The following MTMR10 variants were observed in gnomAD, a reference collection of about 807,000 sequenced individuals.
MTMR10 encodes the protein myotubularin-related protein 10.
A neutral mutation model predicts 88.1 loss-of-function variants in MTMR10; 56 were observed. The ratio of observed to expected loss-of-function variants is 0.64; its 90% CI spans 0.51 to 0.79. The LOEUF (loss-of-function observed/expected upper bound fraction) is 0.79, where lower values mean the gene tolerates loss of function less well. Ranked by LOEUF, MTMR10 falls within the 30% of genes least tolerant of loss-of-function variation. The pLI, the probability that MTMR10 is intolerant of heterozygous loss-of-function variation, is 0.00. For synonymous variants in MTMR10, 380 were observed against 340.9 expected, an observed-to-expected ratio of 1.11 and a Z score of -1.26; for missense variants, 883 against 924.7, an observed-to-expected ratio of 0.95 and a Z score of 0.58.
Position 30,941,542 on chromosome 15 carries a change from T to C in MTMR10, c.2262A>G (p.Gly754=). The C allele has an allele frequency of 6.2e-7, 1 of 1,608,310 alleles. No individual in the cohort carries two copies. Among genetic ancestry groups the C allele is most frequent in the Non-Finnish European group, 8.5e-7 (1 of 1,176,898 alleles). Residue 754 remains glycine (G), a synonymous_variant, in exon 16 of 16, where the codon GGA becomes GGG. Transcript: ENST00000435680. ...VGNLCRRSIL[G]TPLSKFLSGA... is the part of the protein sequence containing the mutation. ...CACTTAAAAATTTGCTTAATGGTGT[T>C]CCTAAAATGCTTCGTCTGCACAGAT...
At chr15:30,959,713 G>C (rs992521050) in intron 7 of MTMR10, among the ~76,000 whole-genome samples, 1 of 152,218 alleles carries the variant, frequency 6.6e-6, no homozygotes, top group Non-Finnish European at 1.5e-5. Context: ...TCCAGGGGAA[G>C]CAAAAGATAC....
chr15:30,932,757 A>G, the MTMR10 span, among the ~76,000 whole-genome samples: 1 of 138,522 alleles, frequency 7.2e-6, no homozygotes, highest in Non-Finnish European at 1.5e-5. Context: ...TCTGTCGCCC[A>G]GACTGGAGTG....
rs770224520 is a variant in MTMR10, at chr15:30,962,246, T to C, written c.566-1173A>G. ...CTCAAGAGTGCCTGCAAAGTGATTA[T>C]TGAGAAACAAGCTGTCCCACAAAGT... is the stretch of plus-strand genomic sequence containing the variant. On this transcript the variant is annotated intron_variant, in intron 6 of 15. Transcript: ENST00000435680. Among the ~76,000 whole-genome samples the C allele has an allele frequency of 4.5e-4, 68 of 152,232 alleles. 1 individual carries two copies. Among genetic ancestry groups the C allele is most frequent in the African/African-American group, 1.2e-3 (49 of 41,464 alleles).
chr15:30,940,595 G>A lies in MTMR10; in HGVS notation c.*875C>T, dbSNP rs1469509204. 1 of 985,398 alleles carries A rather than the reference G, an allele frequency of 1.0e-6. No individual in the cohort carries two copies. The highest frequency in any genetic ancestry group is 1.2e-6 in the Non-Finnish European group (1 of 830,006). The allele number at this position is 985,398 out of a possible 1,614,324, so 61.0% of individuals were successfully genotyped here. On this transcript the variant is annotated 3_prime_UTR_variant, in exon 16 of 16. Transcript: ENST00000435680. Reference sequence around the variant, plus strand: ...AAGCCTTGTTTGTTTTTGAGGGCGAGTTTTGGCATAGATGGCACTCTCCTG... The same window carrying A: ...AAGCCTTGTTTGTTTTTGAGGGCGAATTTTGGCATAGATGGCACTCTCCTG...
At position 30,968,271 on chromosome 15, in the gene MTMR10, G is replaced by C. The variant is rs534714132; in HGVS notation, c.475-261C>G. The stretch of plus-strand genomic sequence containing the variant: ...TATTTGCTGAGTTAAATTTTAATTG[G>C]AAAGTAATTTTAGTCCAATAAAGAA... On this transcript the variant is annotated intron_variant, in intron 5 of 15. Transcript: ENST00000435680. 12 of 300,862 alleles carry C rather than the reference G, an allele frequency of 4.0e-5. No homozygotes were observed. The South Asian group carries it at 1.3e-3, about 34-fold the overall frequency. The allele number at this position is 300,862 out of a possible 1,614,324, so 18.6% of individuals were successfully genotyped here.
chr15:30,946,783 G>A (rs1467681905), intron 14 of MTMR10: 1 of 701,172 alleles, frequency 1.4e-6, no homozygotes, highest in East Asian at 2.7e-5. Context: ...TACTGACCTA[G>A]GAAATAAATG....
In MTMR10 at chr15:30,974,904, TTA is replaced by T. The variant is rs1491190900; in HGVS notation, c.331+25_331+26del. ...AATACTTCCAGAGTGGAATTGACTT[TTA>T]GAGTATGTACGGAATACTACGTACC... On this transcript the variant is annotated intron_variant, in intron 4 of 15. Transcript: ENST00000435680. The T allele has an allele frequency of 2.9e-6, 4 of 1,391,488 alleles. No individual in the cohort carries two copies. In the African/African-American group the frequency reaches 5.8e-5, roughly 20 times the overall value. The allele number at this position is 1,391,488 out of a possible 1,614,324, so 86.2% of individuals were successfully genotyped here.
chr15:30,919,620 C>G, the MTMR10 span, among the ~76,000 whole-genome samples: 1 of 144,732 alleles, frequency 6.9e-6, no homozygotes, highest in Non-Finnish European at 1.5e-5. Flanking sequence ...ACCTGGGAGA[C>G]AGAGGTTGTA....
intron 2 of MTMR10, 136 bp from the exon 3 acceptor site, chr15:30,977,091 G>A: frequency 1.3e-6 from 1 of 776,114 alleles, no homozygotes; most frequent in South Asian, 1.8e-5. Context: ...CCAGGTGCCA[G>A]GCACTGTATG....
chr15:30,937,149 C>CT (rs2062878181), downstream of MTMR10: 1 of 1,613,788 alleles, frequency 6.2e-7, no homozygotes, highest in African/African-American at 1.3e-5. Flanking sequence ...CAATGATCGT[C>CT]TTTCACATAA....
chr15:30,920,758 A>G, the MTMR10 span: 1 of 672,726 alleles, frequency 1.5e-6, no homozygotes, highest in Non-Finnish European at 2.6e-6. Context: ...TTTGGTTAGC[A>G]CACAGTAATA....
chr15:30,969,552 G>A (rs1380619565), intron 5 of MTMR10, among the ~76,000 whole-genome samples: 1 of 152,070 alleles, frequency 6.6e-6, no homozygotes, highest in Admixed American at 6.6e-5. Context: ...CACTGCCATA[G>A]CCACATCCTT....
chr15:30,954,813 A>G lies in MTMR10; in HGVS notation c.1016T>C (p.Ile339Thr). 6.2e-7 allele frequency: 1 copy of G among 1,600,728 alleles called. No individual in the cohort carries two copies. Among genetic ancestry groups the G allele is most frequent in the Non-Finnish European group, 8.5e-7 (1 of 1,172,762 alleles). Residue 339 changes from isoleucine (I) to threonine (T), a missense_variant, in exon 10 of 16, where the codon ATT becomes ACT. Transcript: ENST00000435680. Reference protein sequence around the residue: ...KSDLDKTLPNIQEVQAAFVKL... With the variant: ...KSDLDKTLPNTQEVQAAFVKL... ...TACAAATGCTGCCTGTACTTCTTGA[A>G]TATTAGGCAAGGTCTTATCCAAATC...
At chr15:30,972,616 G>C (rs1212873868) in intron 5 of MTMR10, among the ~76,000 whole-genome samples, 1 of 152,082 alleles carries the variant, frequency 6.6e-6, no homozygotes, top group Non-Finnish European at 1.5e-5. Flanking sequence ...TGTTCATCTG[G>C]AAATCAACTA....
At chr15:30,976,011 G>T (rs189881836) in intron 3 of MTMR10, among the ~76,000 whole-genome samples, 9 of 151,312 alleles carry the variant, frequency 5.9e-5, no homozygotes, top group Non-Finnish European at 7.4e-5. Flanking sequence ...ACATAAAATA[G>T]CAAGAGGGCT....
intron 2 of MTMR10, among the ~76,000 whole-genome samples, chr15:30,987,255 A>C (rs2030996774): frequency 6.6e-6 from 1 of 152,248 alleles, no homozygotes; most frequent in Non-Finnish European, 1.5e-5. Context: ...TAACAGTTTA[A>C]GCCAGGTGGT....
At chr15:30,990,979 CTGT>C in intron 1 of MTMR10, 142 bp from the exon 2 acceptor site, 1 of 707,838 alleles carries the variant, frequency 1.4e-6, no homozygotes, top group Non-Finnish European at 2.3e-6. Context: ...ATTAACTGAG[CTGT>C]TTTTAAGATC....
chr15:30,975,940 C>G (rs1219845754), intron 3 of MTMR10, among the ~76,000 whole-genome samples: 1 of 151,954 alleles, frequency 6.6e-6, no homozygotes, highest in Non-Finnish European at 1.5e-5. Context: ...TTAAGTTAAT[C>G]AAATGAATGC....
chr15:30,942,258 T>C, intron 15 of MTMR10, 186 bp from the exon 16 acceptor site: 1 of 736,666 alleles, frequency 1.4e-6, no homozygotes, highest in South Asian at 1.9e-5. Context: ...TTTTTATGTG[T>C]TGACTCTACC....
Sources: gnomAD v4.1 joint callset for allele counts (sites outside exome capture counted in the v4.1 genomes callset) on GRCh38, gnomAD v4.1.1 for gene constraint, MANE v1.5 for transcripts, NCBI Gene and HGNC (gene_info 2026-07-23, HGNC 2026-07-21) for gene names.